Variants in PDZD2 observed in about 807,000 individuals in gnomAD.
PDZD2 encodes PDZ domain-containing protein 2.
A neutral mutation model predicts 220.7 loss-of-function variants in PDZD2; 90 were observed. The observed-to-expected ratio is 0.41, with a 90% CI of 0.34 to 0.49. The LOEUF (loss-of-function observed/expected upper bound fraction) is 0.49. Ranked by LOEUF, PDZD2 falls within the 20% of genes least tolerant of loss-of-function variation. The probability of loss-of-function intolerance (pLI) is 0.28; values close to 1 mark genes in which losing one functional copy is unlikely to be tolerated. For synonymous variants in PDZD2, 1,375 were observed against 1,450.5 expected (o/e 0.95, Z 1.18); for missense variants, 3,174 against 3,608.5 (o/e 0.88, Z 3.08).
intron 1 of PDZD2, among the ~76,000 whole-genome samples, chr5:31,721,301 T>C (rs16901473): frequency 0.19 from 28,663 of 152,068 alleles, 2,791 homozygotes; most frequent in African/African-American, 0.22. Flanking sequence ...GAAGAAAAGA[T>C]AGATTGGAGA....
At chr5:32,080,974 G>A (rs1484166005) in intron 19 of PDZD2, among the ~76,000 whole-genome samples, 7 of 151,922 alleles carry the variant, frequency 4.6e-5, no homozygotes, top group Non-Finnish European at 1.5e-5. Context: ...ATGCATGCAG[G>A]GCTTAATACC....
At chr5:31,804,003 A>G (rs1215973108) in intron 2 of PDZD2, among the ~76,000 whole-genome samples, 1 of 151,394 alleles carries the variant, frequency 6.6e-6, no homozygotes, top group East Asian at 1.9e-4. Context: ...TGTTTGCACC[A>G]CTGTACTCTA....
At chr5:32,005,735 C>T (rs946014361) in intron 5 of PDZD2, among the ~76,000 whole-genome samples, 2 of 152,182 alleles carry the variant, frequency 1.3e-5, no homozygotes, top group African/African-American at 2.4e-5. Context: ...AAATCGAGCA[C>T]AGCCCTTTAA....
rs531322064 is a variant in PDZD2 at position 32,058,042 on chromosome 5, C to T, written c.2139C>T (p.Ser713=). 8.7e-6 allele frequency: 14 copies of T among 1,612,598 alleles called. No homozygotes were observed. In the African/African-American group the frequency reaches 1.3e-4, roughly 15 times the overall value. ...AGGSDEGSSS[S]LGRKTPGPKD... Reference sequence around the variant, plus strand: ...GTTCCGATGAAGGCAGTTCTTCATCCCTGGGTCGGAAGACCCCTGGGCCCA... The same window carrying T: ...GTTCCGATGAAGGCAGTTCTTCATCTCTGGGTCGGAAGACCCCTGGGCCCA... Residue 713 remains serine (S), a synonymous_variant, in exon 12 of 25, where the codon TCC becomes TCT. Transcript: ENST00000438447.
intron 1 of PDZD2, among the ~76,000 whole-genome samples, chr5:31,651,068 C>T (rs1209911616): frequency 1.3e-5 from 2 of 152,180 alleles, no homozygotes; most frequent in Non-Finnish European, 2.9e-5. Context: ...ATCTCTTTCC[C>T]TGTTGTTGGA....
chr5:31,951,713 G>A (rs149113435), intron 2 of PDZD2, among the ~76,000 whole-genome samples: 26 of 152,282 alleles, frequency 1.7e-4, no homozygotes, highest in South Asian at 6.2e-4. Context: ...AGAAGTTCGC[G>A]TAGTGTCTCA....
chr5:31,740,524 C>CAAAAAA lies in PDZD2; in HGVS notation c.-360-58336_-360-58331dup, dbSNP rs58965956. Among the ~76,000 whole-genome samples, 154 of 60,058 alleles carry CAAAAAA rather than the reference C, an allele frequency of 2.6e-3. 8 individuals are homozygous for CAAAAAA. Among genetic ancestry groups the CAAAAAA allele is most frequent in the African/African-American group, 3.9e-3 (78 of 19,976 alleles). 39.4% of individuals were successfully genotyped at this position (60,058 alleles called of 152,430 possible). ...TGGGTGACAGAGCAAGACTCCGTCT[C>CAAAAAA]AAAAAAAAAAAAAAAAAAAAAAAAA... is the stretch of plus-strand genomic sequence containing the variant. On this transcript the variant is annotated intron_variant, in intron 1 of 24. Transcript: ENST00000438447.
chr5:32,104,716 T>TAA (rs755177769), intron 24 of PDZD2, among the ~76,000 whole-genome samples: 368 of 30,090 alleles, frequency 0.012, 25 homozygotes, highest in African/African-American at 0.014. Flanking sequence ...AGGCTCCATC[T>TAA]AAAAAAAAAA....
intron 2 of PDZD2, among the ~76,000 whole-genome samples, chr5:31,946,140 C>T (rs1319345954): frequency 6.6e-6 from 1 of 152,204 alleles, no homozygotes; most frequent in Non-Finnish European, 1.5e-5. Context: ...GTAGCTAGGA[C>T]TACAGGCGTG....
chr5:31,728,804 T>C (rs1325555306), intron 1 of PDZD2, among the ~76,000 whole-genome samples: 2 of 152,242 alleles, frequency 1.3e-5, no homozygotes, highest in East Asian at 1.9e-4. Context: ...TTCTATTCCA[T>C]GTGGTATTTT....
At chr5:32,043,900 A>G (rs1476938841) in intron 7 of PDZD2, among the ~76,000 whole-genome samples, 1 of 152,034 alleles carries the variant, frequency 6.6e-6, no homozygotes, top group Non-Finnish European at 1.5e-5. Flanking sequence ...GTGCTGGGAT[A>G]TCAGATGTGA....
At chr5:31,814,821 A>G (rs1755330013) in intron 2 of PDZD2, among the ~76,000 whole-genome samples, 1 of 151,956 alleles carries the variant, frequency 6.6e-6, no homozygotes, top group Non-Finnish European at 1.5e-5. Context: ...ATCTAAAAAA[A>G]AAAGAAAGAA....
intron 19 of PDZD2, among the ~76,000 whole-genome samples, chr5:32,086,148 A>G (rs767831196): frequency 6.6e-6 from 1 of 152,102 alleles, no homozygotes; most frequent in Non-Finnish European, 1.5e-5. Flanking sequence ...CGTATTCTGT[A>G]TGTTTTCCCT....
chr5:31,884,234 T>C (rs565071446), intron 2 of PDZD2, among the ~76,000 whole-genome samples: 1 of 141,208 alleles, frequency 7.1e-6, no homozygotes, highest in East Asian at 1.9e-4. Context: ...CATGCATGCA[T>C]ACATACATAC....
At chr5:31,701,269 C>A (rs1405690580) in intron 1 of PDZD2, among the ~76,000 whole-genome samples, 1 of 152,054 alleles carries the variant, frequency 6.6e-6, no homozygotes, top group Non-Finnish European at 1.5e-5. Context: ...CAGTCTCAGC[C>A]CACTGCAACC....
At chr5:32,065,670 A>G (rs1312752062) in intron 14 of PDZD2, among the ~76,000 whole-genome samples, 1 of 152,216 alleles carries the variant, frequency 6.6e-6, no homozygotes, top group Non-Finnish European at 1.5e-5. Context: ...GCTTTTCTTC[A>G]GATTGTGTTC....
At chr5:31,663,875 G>A (rs754666327) in intron 1 of PDZD2, among the ~76,000 whole-genome samples, 262 of 150,866 alleles carry the variant, frequency 1.7e-3, no homozygotes, top group Non-Finnish European at 3.5e-3. Flanking sequence ...GTGTGTGTGT[G>A]TATGCGGGCA....
intron 2 of PDZD2, among the ~76,000 whole-genome samples, chr5:31,870,238 T>C (rs982921329): frequency 3.3e-5 from 5 of 152,142 alleles, no homozygotes; most frequent in Admixed American, 2.0e-4. Flanking sequence ...AAATAAGTTA[T>C]ATAGCTTACC....
At chr5:31,859,798 G>GAA (rs1737513879) in intron 2 of PDZD2, among the ~76,000 whole-genome samples, 1 of 152,178 alleles carries the variant, frequency 6.6e-6, no homozygotes, top group African/African-American at 2.4e-5. Flanking sequence ...TAAGAAGGAG[G>GAA]CATAGAACAA....
Sources: allele counts gnomAD v4.1 joint callset (sites outside exome capture counted in the v4.1 genomes callset), GRCh38; gene constraint gnomAD v4.1.1; transcripts MANE v1.5; gene names NCBI Gene and HGNC (gene_info 2026-07-23, HGNC 2026-07-21).